Variants in PSMD13 observed in about 807,000 individuals in gnomAD.
PSMD13 encodes the protein 26S proteasome non-ATPase regulatory subunit 13.
PSMD13 carries 8 observed loss-of-function variants against 57.4 expected under a neutral mutation model. The ratio of observed to expected loss-of-function variants is 0.14; its 90% confidence interval spans 0.08 to 0.25. The LOEUF (loss-of-function observed/expected upper bound fraction) is 0.25, where lower values mean the gene tolerates loss of function less well. Ranked by LOEUF, PSMD13 falls within the 10% of genes least tolerant of loss-of-function variation. PSMD13 has a pLI of 1.00. For missense variants in PSMD13, 400 were observed against 461.5 expected (o/e 0.87, Z 1.22); for synonymous variants, 193 against 168.2 (o/e 1.15, Z -1.14).
In PSMD13 at chr11:247,356, C is replaced by T; in HGVS notation, c.476C>T (p.Ser159Phe). Residue 159 changes from serine to phenylalanine, a missense_variant, in exon 7 of 13, where the codon TCC (serine) becomes TTC (phenylalanine). Transcript: ENST00000532097. The part of the protein sequence containing the change: ...TSVHSRFYDL[S>F]SKYYQTIGNH... ...GTTCACAGTCGTTTCTATGATCTCT[C>T]CAGTAAATACTATCAAACAATCGGA... is the stretch of plus-strand genomic sequence containing the variant. The T allele has an allele frequency of 1.9e-6, 3 of 1,600,990 alleles. No individual in the cohort carries two copies. Among genetic ancestry groups the T allele is most frequent in the Non-Finnish European group, 2.6e-6 (3 of 1,172,240 alleles).
intron 9 of PSMD13, among the ~76,000 whole-genome samples, chr11:249,525 T>G (rs1859727619): frequency 7.5e-6 from 1 of 132,558 alleles, no homozygotes; most frequent in South Asian, 2.6e-4. Context: ...GTGAAGAGAA[T>G]GGGAGAGCGG....
intron 2 of PSMD13, among the ~76,000 whole-genome samples, chr11:240,939 C>T (rs1859500275): frequency 6.6e-6 from 1 of 151,078 alleles, no homozygotes; most frequent in African/African-American, 2.4e-5. Flanking sequence ...TCCAGTGATT[C>T]TCCTGCCACA....
In PSMD13 at chr11:244,482, T is replaced by C. The variant is rs1423549094; in HGVS notation, c.309+13T>C. The stretch of plus-strand genomic sequence containing the variant: ...GACTCGTGAGAAGGTAAATGTGGCA[T>C]GTGGGCAATACCTTTTAGTACCTTT... On this transcript the variant is annotated intron_variant, in intron 5 of 12. Transcript: ENST00000532097. 3 of 1,534,704 alleles carry C rather than the reference T, an allele frequency of 2.0e-6. No homozygotes were observed. The South Asian group carries it at 3.4e-5, about 17-fold the overall frequency.
chr11:237,103 G>T lies in PSMD13; in HGVS notation c.54G>T (p.Gln18His), dbSNP rs1335656007. 1.9e-6 allele frequency: 3 copies of T among 1,613,168 alleles called. No individual in the cohort carries two copies. The highest frequency in any genetic ancestry group is 2.5e-6 in the Non-Finnish European group (3 of 1,179,530). ...LQQSQNSGPG[Q>H]PAVWHRLEEL... ...AGAGCCAGAACTCCGGGCCCGGGCAGCCCGCTGTGTGGCACCGTCTGGAGG... is the reference window on the plus strand; with the variant it reads ...AGAGCCAGAACTCCGGGCCCGGGCATCCCGCTGTGTGGCACCGTCTGGAGG... The change falls in exon 1 of 13, where the codon CAG (glutamine) becomes CAT (histidine). Residue 18 changes from glutamine to histidine, a missense_variant. Coordinates refer to ENST00000532097, the MANE Select transcript of PSMD13 (RefSeq NM_002817.4).
intron 1 of PSMD13, 129 bp downstream of exon 1, chr11:237,273 T>A: frequency 1.2e-6 from 1 of 842,498 alleles, no homozygotes; most frequent in Non-Finnish European, 1.8e-6. Flanking sequence ...CGGGGACGTG[T>A]AGCGACCGGC....
Position 237,015 on chromosome 11 carries a change from GGTT to G in PSMD13, c.-31_-29del. On this transcript the variant is annotated 5_prime_UTR_variant, in exon 1 of 13. Transcript: ENST00000532097. ...GCCATCCCCGCGGTGCTGACATCCCGGTTGTTCTTCTGTGCCGGGGGTCTTCCT... is the reference window on the plus strand; with the variant it reads ...GCCATCCCCGCGGTGCTGACATCCCGGTTCTTCTGTGCCGGGGGTCTTCCT... The G allele has an allele frequency of 6.4e-7, 1 of 1,555,634 alleles. No homozygotes were observed. Among genetic ancestry groups the G allele is most frequent in the East Asian group, 2.2e-5 (1 of 44,480 alleles).
chr11:248,618 T>C lies in PSMD13; in HGVS notation c.569-158T>C, dbSNP rs148701850. ...TATATGGTTCTTGGTATAATCTAAG[T>C]CAACCCAATACTTCAGAAGAGGTGA... On this transcript the variant is annotated intron_variant, in intron 7 of 12. Transcript: ENST00000532097. 8.8e-4 allele frequency: 607 copies of C among 693,318 alleles called. 3 individuals are homozygous for C. In the African/African-American group the frequency reaches 0.01, roughly 12 times the overall value. The allele number at this position is 693,318 out of a possible 1,614,324, so 42.9% of individuals were successfully genotyped here. A position where few individuals can be genotyped will look rare whatever the true frequency, so the allele number is the denominator to read the frequency against.
rs370730631 is a variant in PSMD13, at chr11:248,731, G to A, written c.569-45G>A. On this transcript the variant is annotated intron_variant, in intron 7 of 12. Transcript: ENST00000532097. ...GAGATTTTTAAAGCTAAACAGGACT[G>A]ATTATTATGACTGGATTGTAAGTGG... 50 of 1,565,380 alleles carry A rather than the reference G, an allele frequency of 3.2e-5. No individual in the cohort carries two copies. The African/African-American group carries it at 6.5e-4, about 20-fold the overall frequency.
intron 1 of PSMD13, among the ~76,000 whole-genome samples, chr11:237,985 C>T (rs1005234369): frequency 2.6e-5 from 4 of 152,212 alleles, no homozygotes; most frequent in African/African-American, 9.6e-5. Flanking sequence ...CATTCAGCAG[C>T]CTTCTGCTAT....
At chr11:250,525 C>A (rs1247564673) in intron 9 of PSMD13, among the ~76,000 whole-genome samples, 1 of 152,178 alleles carries the variant, frequency 6.6e-6, no homozygotes, top group Admixed American at 6.5e-5. Flanking sequence ...TGTGGCCCTG[C>A]CTAATGGTGT....
chr11:237,736 C>T (rs755093230), intron 1 of PSMD13, among the ~76,000 whole-genome samples: 8 of 152,178 alleles, frequency 5.3e-5, no homozygotes, highest in Non-Finnish European at 1.2e-4. Flanking sequence ...TTCTCATGGG[C>T]TTTCTGCCCC....
rs372280734 is a variant in PSMD13 at position 250,820 on chromosome 11, T to A, written c.792T>A (p.Asn264Lys). Residue 264 changes from asparagine (N) to lysine (K), a missense_variant, in exon 10 of 13, where the codon AAT (asparagine) becomes AAA (lysine). Physicochemically the swap from Asn to Lys is moderately conservative, Grantham distance 94. Transcript: ENST00000532097. ...CTTTACAGCCTGATTTAGCAGCTAATGAAGCCCAGCTTCTGAGGAAAATTC... is the reference window on the plus strand; with the variant it reads ...CTTTACAGCCTGATTTAGCAGCTAAAGAAGCCCAGCTTCTGAGGAAAATTC... ...AWGQQPDLAANEAQLLRKIQL... is the reference protein window; with the variant it reads ...AWGQQPDLAAKEAQLLRKIQL... 11 of 1,614,078 alleles carry A rather than the reference T, an allele frequency of 6.8e-6. No individual in the cohort carries two copies. In the Admixed American group the frequency reaches 1.8e-4, roughly 27 times the overall value.
intron 6 of PSMD13, 85 bp downstream of exon 6, chr11:244,846 C>T: frequency 9.0e-7 from 1 of 1,110,696 alleles, no homozygotes; most frequent in African/African-American, 1.6e-5. Flanking sequence ...TTCTTCTTTA[C>T]TGTTTATTTT....
chr11:250,793 T>C lies in PSMD13; in HGVS notation c.775-10T>C, dbSNP rs201698074. 210 of 1,613,244 alleles carry C rather than the reference T, an allele frequency of 1.3e-4. No individual in the cohort carries two copies. The African/African-American group carries it at 2.6e-3, about 20-fold the overall frequency. On this transcript the variant is annotated splice_polypyrimidine_tract_variant and intron_variant, in intron 9 of 12. Transcript: ENST00000532097. ...TGGAAGACATTTTTCTGTCTTTCTATACTTTACAGCCTGATTTAGCAGCTA... is the reference window on the plus strand; with the variant it reads ...TGGAAGACATTTTTCTGTCTTTCTACACTTTACAGCCTGATTTAGCAGCTA...
chr11:252,073 C>T lies in PSMD13; in HGVS notation c.1035+137C>T. The T allele has an allele frequency of 1.2e-6, 1 of 813,156 alleles. No homozygotes were observed. Among genetic ancestry groups the T allele is most frequent in the Non-Finnish European group, 2.0e-6 (1 of 500,082 alleles). 50.4% of individuals were successfully genotyped at this position (813,156 alleles called of 1,614,324 possible). On this transcript the variant is annotated intron_variant, in intron 12 of 12. Coordinates refer to ENST00000532097, the MANE Select transcript of PSMD13 (RefSeq NM_002817.4). This position sits in a 1 kb window ranked among gnomAD's most constrained non-coding sequence, Gnocchi z 4.1. Reference sequence around the variant, plus strand: ...AGAGGTTTTGGAGAAGGAAATACTGCTGTTGGGTTTTTCTAAGAGCCTAAT... The same window carrying T: ...AGAGGTTTTGGAGAAGGAAATACTGTTGTTGGGTTTTTCTAAGAGCCTAAT...
Position 251,391 on chromosome 11 carries a change from T to A in PSMD13, c.838-155T>A. 1.5e-6 allele frequency: 1 copy of A among 659,664 alleles called. No individual in the cohort carries two copies. The highest frequency in any genetic ancestry group is 2.6e-6 in the Non-Finnish European group (1 of 391,318). 40.9% of individuals were successfully genotyped at this position (659,664 alleles called of 1,614,324 possible). A position where few individuals can be genotyped will look rare whatever the true frequency, so the allele number is the denominator to read the frequency against. Reference sequence around the variant, plus strand: ...TTATCTAAGCATTAAAAGCTTGTTCTTAACAAGATATATGTCTAATATTAG... The same window carrying A: ...TTATCTAAGCATTAAAAGCTTGTTCATAACAAGATATATGTCTAATATTAG... On this transcript the variant is annotated intron_variant, in intron 10 of 12. Transcript: ENST00000532097. This position sits in a 1 kb window ranked among gnomAD's most constrained non-coding sequence, Gnocchi z 4.6.
Position 251,981 on chromosome 11 carries a change from G to A in PSMD13, c.1035+45G>A. On this transcript the variant is annotated intron_variant, in intron 12 of 12. Coordinates refer to ENST00000532097, the MANE Select transcript of PSMD13 (RefSeq NM_002817.4). This position sits in a 1 kb window ranked among gnomAD's most constrained non-coding sequence, Gnocchi z 4.6. Reference sequence around the variant, plus strand: ...TTATTCACCTCTGTGGATTTTGAGGGGTTGTGTCTATACCGTCTTAGTTTC... The same window carrying A: ...TTATTCACCTCTGTGGATTTTGAGGAGTTGTGTCTATACCGTCTTAGTTTC... 6.5e-7 allele frequency: 1 copy of A among 1,550,134 alleles called. No homozygotes were observed. The highest frequency in any genetic ancestry group is 8.9e-7 in the Non-Finnish European group (1 of 1,125,198).
At chr11:247,800 C>T (rs3830003) in intron 7 of PSMD13, 5,830 of 169,748 alleles carry the variant, frequency 0.034, 457 homozygotes, top group East Asian at 0.33. Flanking sequence ...ACCACTGCAC[C>T]CCAGCCTGGG....
intron 1 of PSMD13, among the ~76,000 whole-genome samples, chr11:237,487 C>G (rs1859329754): frequency 6.6e-6 from 1 of 152,194 alleles, no homozygotes; most frequent in Non-Finnish European, 1.5e-5. Flanking sequence ...GATTTTAGCT[C>G]TTGATTCCAT....
Sources: gnomAD v4.1 joint callset for allele counts (sites outside exome capture counted in the v4.1 genomes callset) on GRCh38, gnomAD v4.1.1 for gene constraint, Gnocchi (gnomAD v3.1) non-coding constraint, MANE v1.5 for transcripts, NCBI Gene and HGNC (gene_info 2026-07-23, HGNC 2026-07-21) for gene names.